PLEKHA6: variants seen among roughly 807,000 people sequenced by gnomAD.
PLEKHA6 encodes the protein pleckstrin homology domain-containing family A member 6.
Under a neutral mutation model 116.7 loss-of-function variants are expected in PLEKHA6, and 60 were observed. That is an observed-to-expected ratio of 0.51 (90% CI 0.42 to 0.64). PLEKHA6 has a LOEUF of 0.64. PLEKHA6 is among the 30% of genes least tolerant of loss of function. The probability of loss-of-function intolerance (pLI) is 0.00; values close to 1 mark genes in which losing one functional copy is unlikely to be tolerated. For missense variants in PLEKHA6, 1,338 were observed against 1,422.7 expected (o/e 0.94, Z 0.96); for synonymous variants, 489 against 556.1 (o/e 0.88, Z 1.70).
At position 204,241,785 on chromosome 1, in the gene PLEKHA6, T is replaced by C; in HGVS notation, c.2202A>G (p.Lys734=). ...CCAGGGGCAATGTCTGGTGGGGGTC[T>C]TTCTTGCTTTGTTCATAGTTTGCCT... ...EPKANYEQSK[K]DPHQTLPLDT... The change falls in exon 16 of 23, where the codon AAA becomes AAG. Residue 734 remains lysine (K), a synonymous_variant. Transcript: ENST00000272203. 6.2e-7 allele frequency: 1 copy of C among 1,614,212 alleles called. No homozygotes were observed. Among genetic ancestry groups the C allele is most frequent in the South Asian group, 1.1e-5 (1 of 91,080 alleles).
chr1:204,301,188 C>T (rs1670777828), intron 1 of PLEKHA6: 1 of 950,724 alleles, frequency 1.1e-6, no homozygotes, highest in Non-Finnish European at 1.3e-6. Flanking sequence ...TAGAGCTATA[C>T]AAGCCACCTC....
In PLEKHA6 at chr1:204,331,871, C is replaced by T. The variant is rs984835214; in HGVS notation, c.-95+27823G>A. On this transcript the variant is annotated intron_variant, in intron 1 of 22. Coordinates refer to ENST00000272203, the MANE Select transcript of PLEKHA6 (RefSeq NM_014935.5). ...CCCTAGAGTCACCCAGCCGTCCCCC[C>T]GTCCTCAAAGCCCCATGCCCCGAGA... Among the ~76,000 whole-genome samples the T allele has an allele frequency of 2.0e-5, 3 of 151,622 alleles. No individual in the cohort carries two copies. In the South Asian group the frequency reaches 6.3e-4, roughly 32 times the overall value.
intron 1 of PLEKHA6, among the ~76,000 whole-genome samples, chr1:204,294,037 G>A (rs1180841804): frequency 2.6e-5 from 4 of 152,190 alleles, no homozygotes; most frequent in African/African-American, 2.4e-5. Context: ...ATTGTACTGT[G>A]GTTATGCAAG....
upstream of PLEKHA6, among the ~76,000 whole-genome samples, chr1:204,363,963 A>G (rs932387327): frequency 1.3e-5 from 2 of 152,154 alleles, no homozygotes; most frequent in East Asian, 3.9e-4. Context: ...CTTCAAAACC[A>G]CACGCACACT....
At chr1:204,337,746 T>C (rs1672702541) in intron 1 of PLEKHA6, among the ~76,000 whole-genome samples, 2 of 152,124 alleles carry the variant, frequency 1.3e-5, no homozygotes, top group South Asian at 4.1e-4. Context: ...AATGACTCAC[T>C]TGTGCTCCAG....
At chr1:204,262,322 T>C (rs1203701623) in intron 6 of PLEKHA6, among the ~76,000 whole-genome samples, 1 of 152,194 alleles carries the variant, frequency 6.6e-6, no homozygotes, top group Non-Finnish European at 1.5e-5. Flanking sequence ...GCTCTGCAAC[T>C]GCAGACAAGT....
chr1:204,287,064 C>G (rs1307189906), intron 1 of PLEKHA6, among the ~76,000 whole-genome samples: 1 of 152,100 alleles, frequency 6.6e-6, no homozygotes, highest in Non-Finnish European at 1.5e-5. Flanking sequence ...GCACCCTGTT[C>G]CCACCTAATA....
At chr1:204,225,377 T>C (rs1171413399) in intron 21 of PLEKHA6, among the ~76,000 whole-genome samples, 2 of 152,196 alleles carry the variant, frequency 1.3e-5, no homozygotes, top group Non-Finnish European at 2.9e-5. Context: ...TCAAAATAGT[T>C]AAGATTTGCA....
intron 2 of PLEKHA6, among the ~76,000 whole-genome samples, chr1:204,370,471 G>T (rs528347381): frequency 1.3e-5 from 2 of 152,262 alleles, no homozygotes; most frequent in African/African-American, 2.4e-5. Context: ...TTACTGGCCC[G>T]TGGTGGCGTC....
chr1:204,249,467 C>T, intron 10 of PLEKHA6, among the ~76,000 whole-genome samples: 1 of 152,110 alleles, frequency 6.6e-6, no homozygotes, highest in East Asian at 1.9e-4. Flanking sequence ...GGTATGCTTA[C>T]TCTCTGAGGA....
At chr1:204,236,096 A>G (rs1662008806) in intron 17 of PLEKHA6, among the ~76,000 whole-genome samples, 1 of 152,226 alleles carries the variant, frequency 6.6e-6, no homozygotes, top group Non-Finnish European at 1.5e-5. Flanking sequence ...AATCTGGAGA[A>G]CAGGCATGGG....
At chr1:204,291,551 C>T (rs780948102) in intron 1 of PLEKHA6, among the ~76,000 whole-genome samples, 30 of 152,130 alleles carry the variant, frequency 2.0e-4, no homozygotes, top group Non-Finnish European at 3.8e-4. Context: ...CTGGGTACAA[C>T]GTATGTGTTA....
intron 1 of PLEKHA6, among the ~76,000 whole-genome samples, chr1:204,373,211 C>A (rs1572239231): frequency 6.6e-6 from 1 of 151,906 alleles, no homozygotes; most frequent in Admixed American, 6.5e-5. Flanking sequence ...ACCTCAGCCA[C>A]CCAAGTAGCT....
At chr1:204,359,200 G>C (rs1006948032) in intron 1 of PLEKHA6, among the ~76,000 whole-genome samples, 4 of 151,822 alleles carry the variant, frequency 2.6e-5, no homozygotes, top group East Asian at 1.9e-4. Context: ...GTCACCCTTC[G>C]ACCCAACCTC....
intron 1 of PLEKHA6, among the ~76,000 whole-genome samples, chr1:204,297,528 T>C (rs911989355): frequency 2.6e-5 from 4 of 152,060 alleles, no homozygotes; most frequent in African/African-American, 7.2e-5. Flanking sequence ...ATGCCTGGAT[T>C]AGAATCCTGA....
At position 204,219,260 on chromosome 1, in the gene PLEKHA6, T is replaced by G. The variant is rs568050590; in HGVS notation, c.*3528A>C. On this transcript the variant is annotated 3_prime_UTR_variant, in exon 23 of 23. Transcript: ENST00000272203. ...GTGTGTGTATATATATATATATATATAATGTGTGTGTATATCATATTTTTT... is the reference window on the plus strand; with the variant it reads ...GTGTGTGTATATATATATATATATAGAATGTGTGTGTATATCATATTTTTT... The G allele has an allele frequency of 6.7e-6, 1 of 149,952 alleles. No individual in the cohort carries two copies. Among genetic ancestry groups the G allele is most frequent in the Admixed American group, 6.6e-5 (1 of 15,040 alleles). The allele number at this position is 149,952 out of a possible 1,614,324, so 9.3% of individuals were successfully genotyped here.
Position 204,247,428 on chromosome 1 carries a change from G to T in PLEKHA6, c.1857C>A (p.His619Gln). The change falls in exon 13 of 23, where the codon CAC becomes CAA. Residue 619 changes from histidine (H) to glutamine (Q), a missense_variant. Physicochemically the swap from His to Gln is conservative, Grantham distance 24 (BLOSUM62 0). Around this residue, in one of 3 missense-constraint regions of PLEKHA6, gnomAD observed 1,136 missense variants for 1,163.6 expected, o/e 0.98. Transcript: ENST00000272203. ...GCAGGGCAGAGACCTCAGACTCGAG[G>T]TGCTCATACTCTATGGTGCTGTTTG... Reference protein sequence around the residue: ...ALTNSTIEYEHLESEVSALHD... With the variant: ...ALTNSTIEYEQLESEVSALHD... 1 of 1,613,300 alleles carries T rather than the reference G, an allele frequency of 6.2e-7. No homozygotes were observed. The highest frequency in any genetic ancestry group is 8.5e-7 in the Non-Finnish European group (1 of 1,179,412).
intron 2 of PLEKHA6, among the ~76,000 whole-genome samples, chr1:204,274,104 T>C (rs894360613): frequency 1.3e-5 from 2 of 151,984 alleles, no homozygotes; most frequent in East Asian, 1.9e-4. Flanking sequence ...TAGCTAATTT[T>C]TTTTTTTTAG....
At chr1:204,270,966 G>A (rs565420408) in intron 3 of PLEKHA6, among the ~76,000 whole-genome samples, 1 of 152,306 alleles carries the variant, frequency 6.6e-6, no homozygotes, top group Non-Finnish European at 1.5e-5. Context: ...AAAGTTTGCT[G>A]CAGACTCCCC....
Sources: gnomAD v4.1 joint callset for allele counts (sites outside exome capture counted in the v4.1 genomes callset) on GRCh38, gnomAD v4.1.1 for gene constraint, gnomAD v4.1.1 regional missense constraint, MANE v1.5 for transcripts, NCBI Gene and HGNC (gene_info 2026-07-23, HGNC 2026-07-21) for gene names.